The following SCLY variants were observed in gnomAD, a reference collection of about 807,000 sequenced individuals.
SCLY encodes the protein putative selenocysteine lyase.
A neutral mutation model predicts 50.1 loss-of-function variants in SCLY; 38 were observed. The ratio of observed to expected loss-of-function variants is 0.76; its 90% CI spans 0.59 to 0.99. The LOEUF is 0.99. Ranked by LOEUF, SCLY falls within the 50% of genes least tolerant of loss-of-function variation. SCLY has a pLI of 0.00. For synonymous variants in SCLY, 243 were observed against 249.4 expected (o/e 0.97, Z 0.24); for missense variants, 600 against 620.0 (o/e 0.97, Z 0.34).
chr2:238,061,681 G>A (rs1358161888), intron 1 of SCLY, among the ~76,000 whole-genome samples: 1 of 152,162 alleles, frequency 6.6e-6, no homozygotes, highest in Non-Finnish European at 1.5e-5. Flanking sequence ...GAGAGATGTG[G>A]TGTGCGCCCA....
intron 7 of SCLY, among the ~76,000 whole-genome samples, chr2:238,084,893 CAAAAAA>C (rs377025100): frequency 9.3e-6 from 1 of 107,506 alleles, no homozygotes; most frequent in African/African-American, 3.7e-5. Context: ...GACTCCATCT[CAAAAAA>C]AAAAAAAAAA....
rs745538621 is a variant in SCLY, at chr2:238,064,448, C to G, written c.181C>G (p.Pro61Ala). The G allele has an allele frequency of 1.2e-6, 2 of 1,608,844 alleles. No homozygotes were observed. The highest frequency in any genetic ancestry group is 3.4e-5 in the Admixed American group (2 of 59,112). ...TKAMWEAWGN[P>A]SSPYSAGRKA... is the part of the protein sequence containing the mutation. ...GGCCATGTGGGAAGCCTGGGGAAAT[C>G]CCAGCAGCCCGTATTCAGCAGGTAA... The change falls in exon 2 of 12, where the codon CCC becomes GCC. Residue 61 changes from proline to alanine, a missense_variant. By Grantham distance (27) the Pro-to-Ala change is conservative (BLOSUM62 -1). Transcript: ENST00000254663.
intron 7 of SCLY, among the ~76,000 whole-genome samples, chr2:238,085,814 A>G (rs1397609484): frequency 2.0e-5 from 3 of 152,344 alleles, no homozygotes; most frequent in Non-Finnish European, 4.4e-5. Flanking sequence ...GAAATCCCTG[A>G]AACAGAGAAA....
chr2:238,096,868 C>G lies in SCLY; in HGVS notation c.1176C>G (p.His392Gln). Residue 392 changes from histidine to glutamine, a missense_variant, in exon 11 of 12, where the codon CAC becomes CAG. Transcript: ENST00000254663. The part of the protein sequence containing the change: ...ASVGAACHSD[H>Q]GDQPSPVLLS... Reference sequence around the variant, plus strand: ...TGGGGGCCGCGTGCCACTCGGACCACGGGGACCAGTAAGTGCTCTTCACAA... The same window carrying G: ...TGGGGGCCGCGTGCCACTCGGACCAGGGGGACCAGTAAGTGCTCTTCACAA... 1.2e-6 allele frequency: 2 copies of G among 1,610,214 alleles called. No individual in the cohort carries two copies. Among genetic ancestry groups the G allele is most frequent in the African/African-American group, 2.7e-5 (2 of 75,020 alleles).
At chr2:238,061,413 G>C in intron 1 of SCLY, 1 of 624,244 alleles carries the variant, frequency 1.6e-6, no homozygotes, top group South Asian at 1.6e-5. Context: ...TGGGGAAGCA[G>C]AGCCTGCCAG....
Position 238,098,612 on chromosome 2 carries a change from C to CCCACATGGGAACGCCCACATGGGACCGT in SCLY, c.*267_*268insACGCCCACATGGGACCGTCCACATGGGA, listed in dbSNP as rs1559254607. The CCCACATGGGAACGCCCACATGGGACCGT allele has an allele frequency of 2.4e-6, 1 of 410,300 alleles. No individual in the cohort carries two copies. The highest frequency in any genetic ancestry group is 4.3e-6 in the Non-Finnish European group (1 of 231,484). 25.4% of individuals were successfully genotyped at this position (410,300 alleles called of 1,614,324 possible). On this transcript the variant is annotated 3_prime_UTR_variant, in exon 12 of 12. Coordinates refer to ENST00000254663, the MANE Select transcript of SCLY (RefSeq NM_016510.7). The stretch of plus-strand genomic sequence containing the variant: ...ACATAGGACCGCCCACATAGGACCG[C>CCCACATGGGAACGCCCACATGGGACCGT]CCACATGGGACCGCCCACATGGGAC...
At chr2:238,070,561 T>G (rs1010329637) in intron 4 of SCLY, among the ~76,000 whole-genome samples, 3 of 152,088 alleles carry the variant, frequency 2.0e-5, no homozygotes, top group African/African-American at 7.2e-5. Flanking sequence ...GTGCCTGTAG[T>G]TCCAGCTTCT....
intron 8 of SCLY, 162 bp from the exon 9 acceptor site, chr2:238,093,699 C>T (rs963589708): frequency 7.2e-6 from 5 of 698,330 alleles, no homozygotes; most frequent in African/African-American, 3.5e-5. Context: ...TTCTGGGGCA[C>T]TTCCACACCC....
Position 238,067,916 on chromosome 2 carries a change from C to A in SCLY, c.203-149C>A. ...TTGCCGGGTTGTGTCTAGGTTGTAG[C>A]ATTTTGCTGTGCTCACATTAAGGGG... On this transcript the variant is annotated intron_variant, in intron 2 of 11. Transcript: ENST00000254663. This position sits in a 1 kb window ranked among gnomAD's most constrained non-coding sequence, Gnocchi z 4.3. 1.8e-6 allele frequency: 1 copy of A among 556,540 alleles called. No homozygotes were observed. The highest frequency in any genetic ancestry group is 2.6e-5 in the South Asian group (1 of 38,682). The allele number at this position is 556,540 out of a possible 1,614,324, so 34.5% of individuals were successfully genotyped here.
Position 238,064,409 on chromosome 2 carries a change from C to CAGGCCATGACCA in SCLY, c.151_162dup (p.Thr51_Met54dup). ...GACTCCCCTGGAGCCAGAAGTTATC[C>CAGGCCATGACCA]AGGCCATGACCAAGGCCATGTGGGA... On this transcript the variant is annotated inframe_insertion, in exon 2 of 12. Coordinates refer to ENST00000254663, the MANE Select transcript of SCLY (RefSeq NM_016510.7). 6.2e-7 allele frequency: 1 copy of CAGGCCATGACCA among 1,611,190 alleles called. No individual in the cohort carries two copies.
chr2:238,078,047 A>G (rs2065192028), intron 4 of SCLY, among the ~76,000 whole-genome samples: 1 of 150,532 alleles, frequency 6.6e-6, no homozygotes, highest in Admixed American at 6.7e-5. Context: ...TACGCCTCCC[A>G]GGTTCAAGCT....
chr2:238,065,594 A>G (rs2065060641), intron 2 of SCLY, among the ~76,000 whole-genome samples: 1 of 151,428 alleles, frequency 6.6e-6, no homozygotes, highest in African/African-American at 2.4e-5. Flanking sequence ...CAAAAGAAAA[A>G]AAATCAATTT....
intron 7 of SCLY, among the ~76,000 whole-genome samples, chr2:238,085,483 C>T (rs1663256361): frequency 6.6e-6 from 1 of 151,332 alleles, no homozygotes; most frequent in Non-Finnish European, 1.5e-5. Flanking sequence ...CTTTGGGAGG[C>T]CGAGGTGAGC....
chr2:238,095,312 T>C (rs966148990), intron 10 of SCLY, among the ~76,000 whole-genome samples: 1 of 152,204 alleles, frequency 6.6e-6, no homozygotes, highest in African/African-American at 2.4e-5. Context: ...CCGTCCCAGA[T>C]GCACCTAAAA....
In SCLY at chr2:238,098,562, T is replaced by A; in HGVS notation, c.*207T>A. ...CAGGGCCCAGGACACCAACGCCGCA[T>A]AGGACTGCCCACATGGGACCGCCCA... On this transcript the variant is annotated 3_prime_UTR_variant, in exon 12 of 12. Transcript: ENST00000254663. 1 of 497,188 alleles carries A rather than the reference T, an allele frequency of 2.0e-6. No homozygotes were observed. Among genetic ancestry groups the A allele is most frequent in the East Asian group, 4.1e-5 (1 of 24,690 alleles). The allele number at this position is 497,188 out of a possible 1,614,324, so 30.8% of individuals were successfully genotyped here.
In SCLY at chr2:238,099,000, C is replaced by T. The variant is rs1447394575; in HGVS notation, c.*645C>T. The T allele has an allele frequency of 5.9e-6, 2 of 337,686 alleles. No homozygotes were observed. The highest frequency in any genetic ancestry group is 4.2e-5 in the Admixed American group (1 of 24,002). The allele number at this position is 337,686 out of a possible 1,614,324, so 20.9% of individuals were successfully genotyped here. On this transcript the variant is annotated 3_prime_UTR_variant, in exon 12 of 12. Coordinates refer to ENST00000254663, the MANE Select transcript of SCLY (RefSeq NM_016510.7). ...CAGGCCTGCTCTGCTCAGCGCCCAC[C>T]GCCCACCACCCCTCCTGCTTCCCCG...
In SCLY at chr2:238,070,765, A is replaced by G. The variant is rs1381928033; in HGVS notation, c.484+1288A>G. On this transcript the variant is annotated intron_variant, in intron 4 of 11. Transcript: ENST00000254663. ...TATTCACATGAAGGATTTAGATCCC[A>G]AGATTTAATTTTTTGCCACTTAAAA... Among the ~76,000 whole-genome samples the G allele has an allele frequency of 2.0e-5, 3 of 152,250 alleles. No individual in the cohort carries two copies. In the South Asian group the frequency reaches 6.2e-4, roughly 32 times the overall value.
At position 238,066,630 on chromosome 2, in the gene SCLY, G is replaced by A. The variant is rs181439766; in HGVS notation, c.203-1435G>A. Among the ~76,000 whole-genome samples the A allele has an allele frequency of 3.3e-5, 5 of 152,256 alleles. No homozygotes were observed. Among genetic ancestry groups the A allele is most frequent in the East Asian group, 3.9e-4 (2 of 5,182 alleles). ...GAGGCAGAGTCAGGTTTGGAACATC[G>A]TTTGAACACAGAGCCTACAGCATTT... is the stretch of plus-strand genomic sequence containing the variant. On this transcript the variant is annotated intron_variant, in intron 2 of 11. Transcript: ENST00000254663. The surrounding 1 kb of genome is among the most constrained non-coding windows in gnomAD (Gnocchi z 4.1).
rs1691316502 is a variant in SCLY at position 238,098,605 on chromosome 2, A to AGAACCGCCCACATGGGACCGCCCACATG, written c.*251_*252insAACCGCCCACATGGGACCGCCCACATGG. The AGAACCGCCCACATGGGACCGCCCACATG allele has an allele frequency of 8.0e-5, 25 of 311,406 alleles. 3 individuals carry two copies. The Admixed American group carries it at 8.1e-4, about 10-fold the overall frequency. The allele number at this position is 311,406 out of a possible 1,614,324, so 19.3% of individuals were successfully genotyped here. The stretch of plus-strand genomic sequence containing the variant: ...ACCGCCCACATAGGACCGCCCACAT[A>AGAACCGCCCACATGGGACCGCCCACATG]GGACCGCCCACATGGGACCGCCCAC... On this transcript the variant is annotated 3_prime_UTR_variant, in exon 12 of 12. Transcript: ENST00000254663.
Sources: allele counts gnomAD v4.1 joint callset (sites outside exome capture counted in the v4.1 genomes callset), GRCh38; gene constraint gnomAD v4.1.1; non-coding constraint Gnocchi (gnomAD v3.1); transcripts MANE v1.5; gene names NCBI Gene and HGNC (gene_info 2026-07-23, HGNC 2026-07-21).